The following USP19 variants were observed in gnomAD, a reference collection of about 807,000 sequenced individuals.
USP19 encodes ubiquitin carboxyl-terminal hydrolase 19.
In USP19, 40 loss-of-function variants were observed where a neutral mutation model predicts 144.8. The ratio of observed to expected loss-of-function variants is 0.28; its 90% CI spans 0.21 to 0.36. The LOEUF is 0.36. USP19 is among the 10% of genes least tolerant of loss of function. The pLI is 1.00. For synonymous variants in USP19, 701 were observed against 709.3 expected (o/e 0.99, Z 0.19); for missense variants, 1,518 against 1,822.5 (o/e 0.83, Z 3.04).
Position 49,119,222 on chromosome 3 carries a change from C to T in USP19, c.-77G>A. 6.6e-7 allele frequency: 1 copy of T among 1,526,638 alleles called. No homozygotes were observed. Among genetic ancestry groups the T allele is most frequent in the South Asian group, 1.2e-5 (1 of 80,422 alleles). 94.6% of individuals were successfully genotyped at this position (1,526,638 alleles called of 1,614,324 possible). On this transcript the variant is annotated 5_prime_UTR_variant, in exon 2 of 27. Coordinates refer to ENST00000417901, the MANE Select transcript of USP19 (RefSeq NM_001199161.2). ...TGGGTCAGGGCTGCGGCGCTTTCTT[C>T]CTGGCCCAGCTATCTTGGCAACTCT...
rs1319667181 is a variant in USP19, at chr3:49,116,424, T to A, written c.1283+27A>T. On this transcript the variant is annotated intron_variant, in intron 8 of 26. Coordinates refer to ENST00000417901, the MANE Select transcript of USP19 (RefSeq NM_001199161.2). This position sits in a 1 kb window ranked among gnomAD's most constrained non-coding sequence, Gnocchi z 5.0. ...AGACATACTGTCCCACCTGAGGCAT[T>A]GTTTGCCCCATCATCTACCCACCCA... 1.5e-5 allele frequency: 25 copies of A among 1,613,882 alleles called. No homozygotes were observed. Among genetic ancestry groups the A allele is most frequent in the Non-Finnish European group, 2.1e-5 (25 of 1,179,920 alleles).
Position 49,116,907 on chromosome 3 carries a change from T to G in USP19, c.946A>C (p.Asn316His). The G allele has an allele frequency of 6.2e-7, 1 of 1,614,044 alleles. No individual in the cohort carries two copies. Among genetic ancestry groups the G allele is most frequent in the Non-Finnish European group, 8.5e-7 (1 of 1,180,014 alleles). Residue 316 changes from asparagine to histidine, a missense_variant, in exon 7 of 27, where the codon AAC (asparagine) becomes CAC (histidine). Transcript: ENST00000417901. This position sits in a 1 kb window ranked among gnomAD's most constrained non-coding sequence, Gnocchi z 5.0. ...ADEQLCIPPL[N>H]SQTCLLGSEE... ...GAGCCCAGGAGGCAGGTTTGGGAGT[T>G]CAGCGGTGGTATGCAAAGCTGTTCA... is the stretch of plus-strand genomic sequence containing the variant.
Position 49,108,537 on chromosome 3 carries a change from G to A in USP19, c.4039-9C>T. ...TGGCCAGGGCCTAGTCCCTGCAACA[G>A]AATACGAGGACAGGGGTTGGGGGCT... On this transcript the variant is annotated splice_polypyrimidine_tract_variant and intron_variant, in intron 26 of 26. Coordinates refer to ENST00000417901, the MANE Select transcript of USP19 (RefSeq NM_001199161.2). This position sits in a 1 kb window ranked among gnomAD's most constrained non-coding sequence, Gnocchi z 4.8. 8.0e-7 allele frequency: 1 copy of A among 1,248,174 alleles called. No homozygotes were observed. Among genetic ancestry groups the A allele is most frequent in the Non-Finnish European group, 1.0e-6 (1 of 974,398 alleles). The allele number at this position is 1,248,174 out of a possible 1,614,324, so 77.3% of individuals were successfully genotyped here. A position where few individuals can be genotyped will look rare whatever the true frequency, so the allele number is the denominator to read the frequency against.
rs2042914743 is a variant in USP19 at position 49,110,087 on chromosome 3, G to A, written c.4038+97C>T. The stretch of plus-strand genomic sequence containing the variant: ...ATTCTCATGAATCCCAAGGCTCAAT[G>A]GGCCTGTGGCTGGAGGAGAGGAAGC... On this transcript the variant is annotated intron_variant, in intron 26 of 26. Transcript: ENST00000417901. This position sits in a 1 kb window ranked among gnomAD's most constrained non-coding sequence, Gnocchi z 6.1. The A allele has an allele frequency of 8.9e-6, 12 of 1,352,566 alleles. No homozygotes were observed. The highest frequency in any genetic ancestry group is 1.2e-5 in the Non-Finnish European group (12 of 1,032,178). The allele number at this position is 1,352,566 out of a possible 1,614,324, so 83.8% of individuals were successfully genotyped here. A position where few individuals can be genotyped will look rare whatever the true frequency, so the allele number is the denominator to read the frequency against.
rs903286469 is a variant in USP19, at chr3:49,112,538, A to G, written c.2597T>C (p.Leu866Pro). The G allele has an allele frequency of 1.9e-6, 3 of 1,613,994 alleles. No homozygotes were observed. In the African/African-American group the frequency reaches 4.0e-5, roughly 22 times the overall value. The change falls in exon 18 of 27, where the codon CTA becomes CCA. Residue 866 changes from leucine (L) to proline (P), a missense_variant. Coordinates refer to ENST00000417901, the MANE Select transcript of USP19 (RefSeq NM_001199161.2). This position sits in a 1 kb window ranked among gnomAD's most constrained non-coding sequence, Gnocchi z 4.9. ...PSDTLLCFELLSSELAKERVV... is the reference protein window; with the variant it reads ...PSDTLLCFELPSSELAKERVV... ...CCGCTCCTTAGCCAACTCTGAGGAT[A>G]GCAGCTCAAAGCAGAGGAGCGTATC...
chr3:49,118,147 C>T (rs1373388035), intron 2 of USP19, 27 bp from the exon 3 acceptor site: 1 of 975,204 alleles, frequency 1.0e-6, no homozygotes, highest in South Asian at 1.6e-5. Context: ...AAAAATTAGT[C>T]AAGCATGGTG....
At position 49,112,549 on chromosome 3, in the gene USP19, G is replaced by A; in HGVS notation, c.2586C>T (p.Cys862=). 1 of 1,614,140 alleles carries A rather than the reference G, an allele frequency of 6.2e-7. No homozygotes were observed. Among genetic ancestry groups the A allele is most frequent in the South Asian group, 1.1e-5 (1 of 91,082 alleles). Residue 862 remains cysteine, a synonymous_variant, in exon 18 of 27, where the codon TGC becomes TGT. Transcript: ENST00000417901. This position sits in a 1 kb window ranked among gnomAD's most constrained non-coding sequence, Gnocchi z 4.9. ...CCAACTCTGAGGATAGCAGCTCAAA[G>A]CAGAGGAGCGTATCAGATGGGGACA... ...DTVSPSDTLL[C]FELLSSELAK... is the part of the protein sequence containing the mutation.
At chr3:49,109,988 C>T (rs574406756) in intron 26 of USP19, 196 bp downstream of exon 26, 6 of 561,228 alleles carry the variant, frequency 1.1e-5, no homozygotes, top group Non-Finnish European at 1.7e-5. Flanking sequence ...TGTTAGTGTA[C>T]TTGTATGTTT....
Position 49,118,022 on chromosome 3 carries a change from G to A in USP19, c.223C>T (p.Arg75Cys), listed in dbSNP as rs748917627. Reference protein sequence around the residue: ...ASHAAGITGSRHRTRLFFPSS... With the variant: ...ASHAAGITGSCHRTRLFFPSS... Reference sequence around the variant, plus strand: ...GGAAAGAACAGCCGGGTACGGTGGCGTGAGCCTGTGATCCCAGCTGCATGG... The same window carrying A: ...GGAAAGAACAGCCGGGTACGGTGGCATGAGCCTGTGATCCCAGCTGCATGG... Residue 75 changes from arginine to cysteine, a missense_variant, in exon 3 of 27, where the codon CGC becomes TGC. Arg to Cys is a radical substitution (Grantham distance 180). Transcript: ENST00000417901. The A allele has an allele frequency of 3.7e-5, 59 of 1,602,514 alleles. 1 individual carries two copies. The Middle Eastern group carries it at 1.3e-3, about 36-fold the overall frequency.
rs1372269041 is a variant in USP19 at position 49,115,379 on chromosome 3, G to A, written c.1889-18C>T. On this transcript the variant is annotated intron_variant, in intron 12 of 26. Coordinates refer to ENST00000417901, the MANE Select transcript of USP19 (RefSeq NM_001199161.2). This position sits in a 1 kb window ranked among gnomAD's most constrained non-coding sequence, Gnocchi z 6.6. The stretch of plus-strand genomic sequence containing the variant: ...GGAGCGGTCTAGGAATAGTAGCCGA[G>A]CAAAGGTGTGAGGAACAAAGGCACT... 1.2e-6 allele frequency: 2 copies of A among 1,614,188 alleles called. No homozygotes were observed. The highest frequency in any genetic ancestry group is 4.5e-5 in the East Asian group (2 of 44,880).
Position 49,108,462 on chromosome 3 carries a change from G to T in USP19, c.4105C>A (p.Pro1369Thr), listed in dbSNP as rs200833787. ...TAGGTGGGGGCTGGCCGATCCACAG[G>T]GGGGGCGAAGCGTTCAGGGGCTGTC... ...TRTAPERFAP[P>T]VDRPAPTYSN... The change falls in exon 27 of 27, where the codon CCT becomes ACT. Residue 1369 changes from proline (P) to threonine (T), a missense_variant. Physicochemically the swap from Pro to Thr is conservative, Grantham distance 38. Transcript: ENST00000417901. This position sits in a 1 kb window ranked among gnomAD's most constrained non-coding sequence, Gnocchi z 4.8. 2.3e-3 allele frequency: 3,154 copies of T among 1,355,890 alleles called. 35 individuals carry two copies. The highest frequency in any genetic ancestry group is 0.011 in the Middle Eastern group (54 of 5,142). 84.0% of individuals were successfully genotyped at this position (1,355,890 alleles called of 1,614,324 possible). A position where few individuals can be genotyped will look rare whatever the true frequency, so the allele number is the denominator to read the frequency against.
At position 49,115,764 on chromosome 3, in the gene USP19, A is replaced by T; in HGVS notation, c.1652T>A (p.Met551Lys). ...CTCTGGCTTTGGGGTTACATGCTCC[A>T]TGGGTGTGCGGGTTGCCACACTGTC... ...GLDSVATRTP[M>K]EHVTPKPETH... The change falls in exon 11 of 27, where the codon ATG (methionine) becomes AAG (lysine). Residue 551 changes from methionine to lysine, a missense_variant. Transcript: ENST00000417901. This position sits in a 1 kb window ranked among gnomAD's most constrained non-coding sequence, Gnocchi z 6.6. 1 of 1,613,530 alleles carries T rather than the reference A, an allele frequency of 6.2e-7. No individual in the cohort carries two copies. The highest frequency in any genetic ancestry group is 1.7e-5 in the Admixed American group (1 of 59,972).
Position 49,116,097 on chromosome 3 carries a change from C to A in USP19, c.1421G>T (p.Arg474Leu), listed in dbSNP as rs376698404. ...FTASRIDICLRKRQSQRWGGL... is the reference protein window; with the variant it reads ...FTASRIDICLLKRQSQRWGGL... ...CCCCCAGCGCTGACTCTGCCTCTTACGAAGGCAGATGTCGATGCGAGAAGC... is the reference window on the plus strand; with the variant it reads ...CCCCCAGCGCTGACTCTGCCTCTTAAGAAGGCAGATGTCGATGCGAGAAGC... The change falls in exon 10 of 27, where the codon CGT becomes CTT. Residue 474 changes from arginine to leucine, a missense_variant. Transcript: ENST00000417901. The surrounding 1 kb of genome is among the most constrained non-coding windows in gnomAD (Gnocchi z 5.0). 6.2e-7 allele frequency: 1 copy of A among 1,612,934 alleles called. No individual in the cohort carries two copies. Among genetic ancestry groups the A allele is most frequent in the South Asian group, 1.1e-5 (1 of 91,012 alleles).
In USP19 at chr3:49,117,573, G is replaced by A. The variant is rs1237426416; in HGVS notation, c.473-3C>T. ...GACACCACCCCACTGCTGACCACCT[G>A]GGGACAGAGCAGGGTCCATGAGGTA... On this transcript the variant is annotated splice_polypyrimidine_tract_variant and splice_region_variant and intron_variant, in intron 4 of 26. Transcript: ENST00000417901. This position sits in a 1 kb window ranked among gnomAD's most constrained non-coding sequence, Gnocchi z 4.4. The A allele has an allele frequency of 1.2e-6, 2 of 1,614,116 alleles. No homozygotes were observed. Among genetic ancestry groups the A allele is most frequent in the Non-Finnish European group, 1.7e-6 (2 of 1,180,028 alleles).
In USP19 at chr3:49,116,783, T is replaced by C; in HGVS notation, c.1070A>G (p.Asp357Gly). ...AMVRSRNPGKDDCAKEEMAVA... is the reference protein window; with the variant it reads ...AMVRSRNPGKGDCAKEEMAVA... ...TGCCATCTCCTCCTTGGCACAGTCA[T>C]CTTTCCCAGGGTTTCTGCTCCGGAC... Residue 357 changes from aspartate to glycine, a missense_variant, in exon 7 of 27, where the codon GAT becomes GGT. By Grantham distance (94) the Asp-to-Gly change is moderately conservative. Around this residue, in one of 5 missense-constraint regions of USP19, gnomAD observed 707 missense variants for 728.9 expected, o/e 0.97. Coordinates refer to ENST00000417901, the MANE Select transcript of USP19 (RefSeq NM_001199161.2). This position sits in a 1 kb window ranked among gnomAD's most constrained non-coding sequence, Gnocchi z 5.0. 1.9e-6 allele frequency: 3 copies of C among 1,613,804 alleles called. No homozygotes were observed. The highest frequency in any genetic ancestry group is 2.2e-5 in the South Asian group (2 of 91,064).
In USP19 at chr3:49,118,081, G is replaced by T. The variant is rs1168217941; in HGVS notation, c.164C>A (p.Pro55His). 2.6e-6 allele frequency: 4 copies of T among 1,533,882 alleles called. No individual in the cohort carries two copies. The East Asian group carries it at 9.0e-5, about 35-fold the overall frequency. ...SRYVAQAGLE[P>H]LASGDPSASA... ...GGCAGAAGGATCACCTGAGGCCAGA[G>T]GTTCAAGACCAGCCTGGGCAACATA... is the stretch of plus-strand genomic sequence containing the variant. The change falls in exon 3 of 27, where the codon CCT (proline) becomes CAT (histidine). Residue 55 changes from proline to histidine, a missense_variant. Physicochemically the swap from Pro to His is moderately conservative, Grantham distance 77. Transcript: ENST00000417901.
chr3:49,116,429 G>T lies in USP19; in HGVS notation c.1283+22C>A, dbSNP rs2044144862. ...TACTGTCCCACCTGAGGCATTGTTT[G>T]CCCCATCATCTACCCACCCACCTGG... On this transcript the variant is annotated intron_variant, in intron 8 of 26. Coordinates refer to ENST00000417901, the MANE Select transcript of USP19 (RefSeq NM_001199161.2). The surrounding 1 kb of genome is among the most constrained non-coding windows in gnomAD (Gnocchi z 5.0). The T allele has an allele frequency of 6.2e-7, 1 of 1,614,060 alleles. No homozygotes were observed.
Position 49,117,518 on chromosome 3 carries a change from A to G in USP19, c.525T>C (p.Ala175=). Residue 175 remains alanine, a synonymous_variant, in exon 5 of 27, where the codon GCT becomes GCC. Coordinates refer to ENST00000417901, the MANE Select transcript of USP19 (RefSeq NM_001199161.2). The surrounding 1 kb of genome is among the most constrained non-coding windows in gnomAD (Gnocchi z 4.4). ...GACTGCCCTTGCGGGTTTGCACTTT[A>G]GCACAAGAGCTTTTTATCTCAGCAT... ...VFYAEIKSSC[A]KVQTRKGSLL... 2 of 1,614,116 alleles carry G rather than the reference A, an allele frequency of 1.2e-6. No individual in the cohort carries two copies. Among genetic ancestry groups the G allele is most frequent in the Non-Finnish European group, 1.7e-6 (2 of 1,180,042 alleles).
chr3:49,110,259 CACAGGAG>C lies in USP19; in HGVS notation c.3956_3962del (p.Ser1319TrpfsTer16), dbSNP rs767077741. 1.2e-6 allele frequency: 2 copies of C among 1,603,324 alleles called. No individual in the cohort carries two copies. Among genetic ancestry groups the C allele is most frequent in the African/African-American group, 2.7e-5 (2 of 74,772 alleles). Reference sequence around the variant, plus strand: ...AGTGACCTGCCCTGGGGGGCCTCTCCACAGGAGAGTTCCGCCGGCGGTAGAAGAGTAC... The same window carrying C: ...AGTGACCTGCCCTGGGGGGCCTCTCCAGTTCCGCCGGCGGTAGAAGAGTAC... On this transcript the variant is annotated frameshift_variant, in exon 26 of 27. Coordinates refer to ENST00000417901, the MANE Select transcript of USP19 (RefSeq NM_001199161.2). LOFTEE classifies it high-confidence loss of function. This position sits in a 1 kb window ranked among gnomAD's most constrained non-coding sequence, Gnocchi z 6.1.
Sources: gnomAD v4.1 joint callset for allele counts on GRCh38, gnomAD v4.1.1 for gene constraint, gnomAD v4.1.1 regional missense constraint, Gnocchi (gnomAD v3.1) non-coding constraint, MANE v1.5 for transcripts, NCBI Gene and HGNC (gene_info 2026-07-23, HGNC 2026-07-21) for gene names.